Variants in MB21D2 observed in about 807,000 individuals in gnomAD.
The protein encoded by MB21D2 is nucleotidyltransferase MB21D2.
A neutral mutation model predicts 33.3 loss-of-function variants in MB21D2; 9 were observed. The observed-to-expected ratio is 0.27, with a 90% CI of 0.16 to 0.47. The LOEUF is 0.47. MB21D2 is among the 20% of genes least tolerant of loss of function. The pLI is 0.99. For synonymous variants in MB21D2, 241 were observed against 236.3 expected, an observed-to-expected ratio of 1.02 and a Z score of -0.18; for missense variants, 540 against 624.6, an observed-to-expected ratio of 0.86 and a Z score of 1.44.
At position 192,797,512 on chromosome 3, in the gene MB21D2, G is replaced by T. The variant is rs1720547345; in HGVS notation, c.*874C>A. ...TGAAGGAGAACTAAGCAAATGCAAA[G>T]AATCATTTCACTGATAGAAATGGGC... is the stretch of plus-strand genomic sequence containing the variant. On this transcript the variant is annotated 3_prime_UTR_variant, in exon 2 of 2. Transcript: ENST00000392452. The T allele has an allele frequency of 6.6e-6, 1 of 152,524 alleles. No individual in the cohort carries two copies. Among genetic ancestry groups the T allele is most frequent in the African/African-American group, 2.4e-5 (1 of 41,402 alleles). 9.4% of individuals were successfully genotyped at this position (152,524 alleles called of 1,614,324 possible).
intron 1 of MB21D2, among the ~76,000 whole-genome samples, chr3:192,856,859 C>A (rs1712929273): frequency 6.6e-6 from 1 of 152,178 alleles, no homozygotes; most frequent in African/African-American, 2.4e-5. Context: ...GGCCAAATCA[C>A]AGCATTTTTG....
At chr3:192,803,248 CAAT>C (rs1226029829) in intron 1 of MB21D2, among the ~76,000 whole-genome samples, 2 of 152,226 alleles carry the variant, frequency 1.3e-5, no homozygotes, top group African/African-American at 4.8e-5. Flanking sequence ...TCTTTCCTCT[CAAT>C]GATGCTTATG....
At chr3:192,897,481 TG>T (rs1388900410) in intron 1 of MB21D2, among the ~76,000 whole-genome samples, 1 of 152,094 alleles carries the variant, frequency 6.6e-6, no homozygotes, top group Non-Finnish European at 1.5e-5. Context: ...CTGAAGAAAA[TG>T]TGGCACATCT....
At chr3:192,819,811 A>G (rs779160814) in intron 1 of MB21D2, among the ~76,000 whole-genome samples, 68 of 152,246 alleles carry the variant, frequency 4.5e-4, no homozygotes, top group Middle Eastern at 3.4e-3. Context: ...ATTTTTACCC[A>G]TTTCCAGGTA....
chr3:192,840,415 C>CTTTTTTTT (rs71177380), intron 1 of MB21D2, among the ~76,000 whole-genome samples: 1,958 of 88,450 alleles, frequency 0.022, 6 homozygotes, highest in South Asian at 0.024. Flanking sequence ...TCTCTTTTTT[C>CTTTTTTTT]TTTTTTTTTT....
chr3:192,802,907 T>A (rs974872329), intron 1 of MB21D2, among the ~76,000 whole-genome samples: 1 of 152,232 alleles, frequency 6.6e-6, no homozygotes, highest in Non-Finnish European at 1.5e-5. Flanking sequence ...GTGATATTGT[T>A]ATTTGAGTAC....
chr3:192,816,477 T>A (rs2108614469), intron 1 of MB21D2, among the ~76,000 whole-genome samples: 1 of 152,308 alleles, frequency 6.6e-6, no homozygotes, highest in East Asian at 1.9e-4. Flanking sequence ...CATGCCTTCC[T>A]AATTTTTCTT....
intron 1 of MB21D2, among the ~76,000 whole-genome samples, chr3:192,871,573 T>C (rs143845139): frequency 5.3e-5 from 8 of 152,312 alleles, no homozygotes; most frequent in South Asian, 2.1e-4. Context: ...CTAGCCTCGT[T>C]TGCAGAGTCA....
chr3:192,884,236 C>T (rs1560249673), intron 1 of MB21D2, among the ~76,000 whole-genome samples: 1 of 152,152 alleles, frequency 6.6e-6, no homozygotes, highest in African/African-American at 2.4e-5. Context: ...TCCTTAACTT[C>T]TCCACCATTC....
chr3:192,814,187 G>A (rs977732843), intron 1 of MB21D2, among the ~76,000 whole-genome samples: 3 of 152,032 alleles, frequency 2.0e-5, no homozygotes, highest in Non-Finnish European at 2.9e-5. Context: ...TATTTCCATC[G>A]TATAAAGTTG....
intron 1 of MB21D2, among the ~76,000 whole-genome samples, chr3:192,831,885 G>C (rs185539284): frequency 2.6e-5 from 4 of 152,340 alleles, no homozygotes; most frequent in Admixed American, 2.6e-4. Context: ...AGCTTGAGAA[G>C]GGGAAATGAC....
chr3:192,824,088 A>G (rs1298810369), intron 1 of MB21D2, among the ~76,000 whole-genome samples: 1 of 152,196 alleles, frequency 6.6e-6, no homozygotes, highest in Non-Finnish European at 1.5e-5. Flanking sequence ...TCACTGAGGG[A>G]TGTAAATTCC....
intron 1 of MB21D2, 41 bp downstream of exon 1, chr3:192,917,589 A>G (rs1560261351): frequency 1.6e-5 from 26 of 1,600,692 alleles, no homozygotes; most frequent in Non-Finnish European, 2.1e-5. Flanking sequence ...TTCCCATCAC[A>G]CACACACACG....
At chr3:192,849,188 T>C (rs1321988703) in intron 1 of MB21D2, among the ~76,000 whole-genome samples, 1 of 152,140 alleles carries the variant, frequency 6.6e-6, no homozygotes, top group Non-Finnish European at 1.5e-5. Context: ...CGTGCTCCCA[T>C]GCTCACACTT....
chr3:192,914,711 CA>C (rs1219225682), intron 1 of MB21D2, among the ~76,000 whole-genome samples: 2 of 151,134 alleles, frequency 1.3e-5, no homozygotes, highest in African/African-American at 2.4e-5. Flanking sequence ...CACCTGCCTC[CA>C]AAAAAAAATC....
chr3:192,873,344 T>C (rs766488979), intron 1 of MB21D2, among the ~76,000 whole-genome samples: 3 of 152,174 alleles, frequency 2.0e-5, no homozygotes, highest in East Asian at 1.9e-4. Context: ...AGCTTCATCA[T>C]AGCACACAAA....
chr3:192,839,372 T>C (rs956772189), intron 1 of MB21D2, among the ~76,000 whole-genome samples: 1 of 152,186 alleles, frequency 6.6e-6, no homozygotes, highest in African/African-American at 2.4e-5. Context: ...GTTTTCTTTC[T>C]GCTAAACCTG....
At chr3:192,884,719 C>T (rs1418989337) in intron 1 of MB21D2, among the ~76,000 whole-genome samples, 1 of 152,066 alleles carries the variant, frequency 6.6e-6, no homozygotes, top group East Asian at 1.9e-4. Flanking sequence ...AAATCTGAGG[C>T]TGAATGGAGC....
chr3:192,869,755 C>G (rs1264484111), intron 1 of MB21D2, among the ~76,000 whole-genome samples: 1 of 152,180 alleles, frequency 6.6e-6, no homozygotes, highest in African/African-American at 2.4e-5. Flanking sequence ...ATCAATGAGC[C>G]TATTCCAGCC....
Sources: gnomAD v4.1 joint callset for allele counts (sites outside exome capture counted in the v4.1 genomes callset) on GRCh38, gnomAD v4.1.1 for gene constraint, MANE v1.5 for transcripts, NCBI Gene and HGNC (gene_info 2026-07-23, HGNC 2026-07-21) for gene names.